Variants in RALYL observed in about 807,000 individuals in gnomAD.
RALYL encodes RNA-binding Raly-like protein.
In RALYL, 29 loss-of-function variants were observed where a neutral mutation model predicts 35.1. The observed-to-expected ratio is 0.83, with a 90% CI of 0.61 to 1.13. The LOEUF is 1.13. Ranked by LOEUF, RALYL falls within the 50% of genes most tolerant of loss-of-function variation. RALYL has a pLI of 0.00. For synonymous variants in RALYL, 120 were observed against 127.6 expected, an observed-to-expected ratio of 0.94 and a Z score of 0.40; for missense variants, 359 against 360.4, an observed-to-expected ratio of 1.00 and a Z score of 0.03.
chr8:84,429,454 G>T (rs1040637098), intron 1 of RALYL, among the ~76,000 whole-genome samples: 1 of 151,610 alleles, frequency 6.6e-6, no homozygotes, highest in South Asian at 2.1e-4. Context: ...TTTCAATGAG[G>T]GCTGAAACAA....
chr8:84,267,872 A>AT (rs561740021), intron 1 of RALYL, among the ~76,000 whole-genome samples: 9 of 152,188 alleles, frequency 5.9e-5, no homozygotes, highest in Non-Finnish European at 1.3e-4. Context: ...TATCACTGCA[A>AT]TTGAAATCAA....
intron 4 of RALYL, among the ~76,000 whole-genome samples, chr8:84,840,386 G>A (rs1019417063): frequency 1.3e-5 from 2 of 152,086 alleles, no homozygotes; most frequent in African/African-American, 4.8e-5. Flanking sequence ...AAGATCAAAT[G>A]AATGAAATGA....
chr8:84,835,883 G>C (rs897016403), intron 4 of RALYL, among the ~76,000 whole-genome samples: 3 of 151,936 alleles, frequency 2.0e-5, no homozygotes, highest in African/African-American at 7.3e-5. Flanking sequence ...GAGCCAGACA[G>C]AGCGTAGGTG....
intron 2 of RALYL, chr8:84,679,082 T>C (rs1170630779): frequency 3.9e-6 from 1 of 259,290 alleles, no homozygotes; most frequent in Non-Finnish European, 7.7e-6. Context: ...TGTTTACAGG[T>C]TGCAAGGTGT....
chr8:84,415,823 T>G (rs1362553915), intron 1 of RALYL, among the ~76,000 whole-genome samples: 1 of 152,204 alleles, frequency 6.6e-6, no homozygotes, highest in African/African-American at 2.4e-5. Flanking sequence ...TTTGTATTGT[T>G]TTTATAGGAA....
intron 3 of RALYL, among the ~76,000 whole-genome samples, chr8:84,802,358 T>G (rs1823532422): frequency 6.6e-6 from 1 of 152,228 alleles, no homozygotes; most frequent in African/African-American, 2.4e-5. Flanking sequence ...TGCAAACTCT[T>G]GGTTTATAGA....
At chr8:84,744,003 T>C (rs1011417078) in intron 2 of RALYL, among the ~76,000 whole-genome samples, 1 of 151,988 alleles carries the variant, frequency 6.6e-6, no homozygotes, top group African/African-American at 2.4e-5. Flanking sequence ...TGAAAAAAAT[T>C]GGAGACGGAT....
At chr8:84,581,612 GT>G (rs1191414041) in intron 2 of RALYL, among the ~76,000 whole-genome samples, 4 of 152,088 alleles carry the variant, frequency 2.6e-5, no homozygotes, top group African/African-American at 9.7e-5. Flanking sequence ...CTTTGTTCAT[GT>G]TTCATCTCCA....
chr8:84,463,358 C>A (rs1187801737), intron 1 of RALYL, among the ~76,000 whole-genome samples: 1 of 151,990 alleles, frequency 6.6e-6, no homozygotes, highest in Non-Finnish European at 1.5e-5. Flanking sequence ...TAGCATACTG[C>A]ACTATCATAT....
At chr8:84,374,797 C>A (rs956182736) in intron 1 of RALYL, among the ~76,000 whole-genome samples, 2 of 151,762 alleles carry the variant, frequency 1.3e-5, no homozygotes, top group African/African-American at 4.8e-5. Flanking sequence ...ATCTGTACAA[C>A]AAACCTCCTT....
At chr8:84,637,580 A>G (rs1339493326) in intron 2 of RALYL, among the ~76,000 whole-genome samples, 1 of 151,900 alleles carries the variant, frequency 6.6e-6, no homozygotes, top group Non-Finnish European at 1.5e-5. Flanking sequence ...TAAAGTAATC[A>G]CTTCAAAGTT....
chr8:84,455,021 G>A (rs1429470469), intron 1 of RALYL, among the ~76,000 whole-genome samples: 2 of 152,020 alleles, frequency 1.3e-5, no homozygotes, highest in African/African-American at 2.4e-5. Context: ...ATGAATTGGG[G>A]TAACTATACA....
chr8:84,232,990 C>CT (rs963950639), intron 1 of RALYL, among the ~76,000 whole-genome samples: 1 of 151,584 alleles, frequency 6.6e-6, no homozygotes, highest in African/African-American at 2.4e-5. Context: ...TTCTTTTTTT[C>CT]TTTTTTTAAA....
intron 1 of RALYL, among the ~76,000 whole-genome samples, chr8:84,498,928 T>A (rs1207779367): frequency 6.6e-6 from 1 of 152,144 alleles, no homozygotes; most frequent in African/African-American, 2.4e-5. Flanking sequence ...TTACAATTAG[T>A]TAACTCCTAT....
At chr8:84,352,091 G>T (rs996895083) in intron 1 of RALYL, among the ~76,000 whole-genome samples, 1 of 150,344 alleles carries the variant, frequency 6.7e-6, no homozygotes, top group African/African-American at 2.5e-5. Flanking sequence ...TTGGAGAGCT[G>T]CCCAATTAAG....
At chr8:84,536,237 A>T (rs1051864211) in intron 2 of RALYL, among the ~76,000 whole-genome samples, 4 of 152,216 alleles carry the variant, frequency 2.6e-5, no homozygotes, top group Admixed American at 6.5e-5. Context: ...GAAATGATGA[A>T]GAAAAAGAAA....
intron 5 of RALYL, among the ~76,000 whole-genome samples, chr8:84,858,903 A>G (rs1049307503): frequency 6.6e-6 from 1 of 152,212 alleles, no homozygotes; most frequent in Admixed American, 6.5e-5. Context: ...GAAAATTAAG[A>G]AAGTCTTCAG....
At chr8:84,530,401 C>A (rs1191803823) in intron 2 of RALYL, among the ~76,000 whole-genome samples, 1 of 151,456 alleles carries the variant, frequency 6.6e-6, no homozygotes, top group Non-Finnish European at 1.5e-5. Context: ...ATGCCCAGAA[C>A]AAAACCCATG....
At chr8:84,701,076 G>A (rs1840098380) in intron 2 of RALYL, among the ~76,000 whole-genome samples, 1 of 152,142 alleles carries the variant, frequency 6.6e-6, no homozygotes, top group Non-Finnish European at 1.5e-5. Flanking sequence ...GGTAAGAGAA[G>A]GGTCCCACCC....
Sources: allele counts gnomAD v4.1 joint callset (sites outside exome capture counted in the v4.1 genomes callset), GRCh38; gene constraint gnomAD v4.1.1; transcripts MANE v1.5; gene names NCBI Gene and HGNC (gene_info 2026-07-23, HGNC 2026-07-21).